CTXND1: variants seen among roughly 807,000 people sequenced by gnomAD.
The protein encoded by CTXND1 is cortexin domain-containing 1 protein.
intron 1 of CTXND1, among the ~76,000 whole-genome samples, chr15:80,251,605 G>A (rs1893697277): frequency 1.3e-5 from 2 of 152,212 alleles, no homozygotes; most frequent in Admixed American, 6.5e-5. Flanking sequence ...CAGAGAGGCC[G>A]AGGATCCCCG....
intron 1 of CTXND1, among the ~76,000 whole-genome samples, chr15:80,227,356 A>G (rs1217213995): frequency 6.6e-6 from 1 of 152,222 alleles, no homozygotes; most frequent in Non-Finnish European, 1.5e-5. Context: ...CAGTTTAAAT[A>G]GTCATCCAGT....
intron 1 of CTXND1, among the ~76,000 whole-genome samples, chr15:80,221,711 TC>T (rs1893321859): frequency 6.6e-6 from 1 of 152,238 alleles, no homozygotes; most frequent in African/African-American, 2.4e-5. Flanking sequence ...TTATTTTAAA[TC>T]TTTTTTGCTT....
At chr15:80,245,281 T>C (rs1893616134) in intron 1 of CTXND1, among the ~76,000 whole-genome samples, 1 of 152,182 alleles carries the variant, frequency 6.6e-6, no homozygotes, top group Admixed American at 6.5e-5. Context: ...CCAGGCACCT[T>C]GACAGTAGCA....
At chr15:80,251,346 G>C (rs1893694738) in intron 1 of CTXND1, among the ~76,000 whole-genome samples, 1 of 152,130 alleles carries the variant, frequency 6.6e-6, no homozygotes, top group Admixed American at 6.5e-5. Flanking sequence ...ATGAAAGCGT[G>C]GATTAGGGTT....
intron 1 of CTXND1, among the ~76,000 whole-genome samples, chr15:80,220,120 ATCT>A (rs1893296746): frequency 8.9e-6 from 1 of 112,148 alleles, no homozygotes; most frequent in Non-Finnish European, 1.9e-5. Context: ...CTATCTATCT[ATCT>A]ATCTATCTAT....
intron 1 of CTXND1, among the ~76,000 whole-genome samples, chr15:80,233,704 C>T (rs1468072336): frequency 1.3e-5 from 2 of 152,296 alleles, no homozygotes; most frequent in Admixed American, 6.5e-5. Flanking sequence ...TCCCCCACAG[C>T]GACTCAGACA....
intron 1 of CTXND1, among the ~76,000 whole-genome samples, chr15:80,204,965 C>G (rs1893133455): frequency 6.6e-6 from 1 of 152,172 alleles, no homozygotes; most frequent in South Asian, 2.1e-4. Flanking sequence ...CTACCCCTCT[C>G]CCCAGCCATC....
chr15:80,208,810 A>G (rs569620823), intron 1 of CTXND1, among the ~76,000 whole-genome samples: 1 of 152,270 alleles, frequency 6.6e-6, no homozygotes, highest in Non-Finnish European at 1.5e-5. Context: ...ACTTTTGCTC[A>G]GAGTCTCAGA....
At chr15:80,212,795 A>G (rs1685176845) in intron 1 of CTXND1, among the ~76,000 whole-genome samples, 2 of 152,224 alleles carry the variant, frequency 1.3e-5, no homozygotes, top group African/African-American at 4.8e-5. Flanking sequence ...AATAAAAAAA[A>G]GCTGTTGGAC....
intron 1 of CTXND1, among the ~76,000 whole-genome samples, chr15:80,232,941 C>CTTTT (rs71455324): frequency 1.3e-4 from 16 of 123,214 alleles, no homozygotes; most frequent in Non-Finnish European, 1.6e-4. Context: ...ATGCAACTTC[C>CTTTT]TTTTTTTTTT....
intron 1 of CTXND1, among the ~76,000 whole-genome samples, chr15:80,232,459 C>A (rs977857024): frequency 1.3e-5 from 2 of 152,284 alleles, no homozygotes; most frequent in Non-Finnish European, 2.9e-5. Context: ...TAACAAACAG[C>A]CTTTAATGAT....
At chr15:80,244,962 T>C (rs1244842114) in intron 1 of CTXND1, among the ~76,000 whole-genome samples, 1 of 152,154 alleles carries the variant, frequency 6.6e-6, no homozygotes, top group Non-Finnish European at 1.5e-5. Context: ...TCAGCCCAAA[T>C]CCCATTTATC....
chr15:80,208,166 C>G (rs1406622077), intron 1 of CTXND1, among the ~76,000 whole-genome samples: 2 of 152,100 alleles, frequency 1.3e-5, no homozygotes, highest in East Asian at 1.9e-4. Context: ...AAACTGGGAA[C>G]AAAATTAACT....
At chr15:80,215,550 G>A (rs1484343711) in intron 1 of CTXND1, among the ~76,000 whole-genome samples, 1 of 152,142 alleles carries the variant, frequency 6.6e-6, no homozygotes, top group African/African-American at 2.4e-5. Flanking sequence ...CTCTGCATGG[G>A]TGGTCCTTCA....
At chr15:80,238,735 A>C (rs1893532376) in intron 1 of CTXND1, among the ~76,000 whole-genome samples, 1 of 152,110 alleles carries the variant, frequency 6.6e-6, no homozygotes, top group East Asian at 1.9e-4. Context: ...TTGGCCTCCC[A>C]AAGTGCTGGG....
rs947459998 is a variant in CTXND1, at chr15:80,237,353, A to G, written c.-218+14654T>C. On this transcript the variant is annotated intron_variant, in intron 1 of 2. Transcript: ENST00000560778. ...GTGTCTCAGAAAAAAAAAAAAAAAA[A>G]AAAAGAAAGAAAAAGAAAACAGTGA... Among the ~76,000 whole-genome samples the G allele has an allele frequency of 1.1e-4, 16 of 151,648 alleles. No homozygotes were observed. In the East Asian group the frequency reaches 2.7e-3, roughly 26 times the overall value.
chr15:80,203,740 A>C lies in CTXND1; in HGVS notation c.-217T>G, dbSNP rs1893112801. Reference sequence around the variant, plus strand: ...TGGCTCGTGGGGGCGCTGGAGTGTGACTGTAAGAGAAAGAGACAAAGAAGA... The same window carrying C: ...TGGCTCGTGGGGGCGCTGGAGTGTGCCTGTAAGAGAAAGAGACAAAGAAGA... On this transcript the variant is annotated splice_region_variant and 5_prime_UTR_variant, in exon 2 of 3. Coordinates refer to ENST00000560778, the MANE Select transcript of CTXND1 (RefSeq NM_001352888.2). 1 of 152,084 alleles carries C rather than the reference A, an allele frequency of 6.6e-6. No individual in the cohort carries two copies. The highest frequency in any genetic ancestry group is 1.5e-5 in the Non-Finnish European group (1 of 68,060). 9.4% of individuals were successfully genotyped at this position (152,084 alleles called of 1,614,324 possible).
chr15:80,242,917 C>T (rs761004719), intron 1 of CTXND1, among the ~76,000 whole-genome samples: 2 of 152,206 alleles, frequency 1.3e-5, no homozygotes, highest in Admixed American at 6.5e-5. Context: ...TTTACCATCT[C>T]ATGCATGTGT....
chr15:80,241,335 TA>T (rs1180325630), intron 1 of CTXND1, among the ~76,000 whole-genome samples: 1 of 152,072 alleles, frequency 6.6e-6, no homozygotes, highest in Non-Finnish European at 1.5e-5. Flanking sequence ...TCTCATATAT[TA>T]TTCTCCAAAC....
Sources: gnomAD v4.1 joint callset for allele counts (sites outside exome capture counted in the v4.1 genomes callset) on GRCh38, gnomAD v4.1.1 for gene constraint, MANE v1.5 for transcripts, NCBI Gene and HGNC (gene_info 2026-07-23, HGNC 2026-07-21) for gene names.